The following DACT1 variants were observed in gnomAD, a reference collection of about 807,000 sequenced individuals.
The protein encoded by DACT1 is dishevelled binding antagonist of beta catenin 1.
DACT1 carries 19 observed loss-of-function variants against 35.3 expected under a neutral mutation model. The ratio of observed to expected loss-of-function variants is 0.54; its 90% confidence interval spans 0.38 to 0.79. The LOEUF (loss-of-function observed/expected upper bound fraction) is 0.79, where lower values mean the gene tolerates loss of function less well. DACT1 is among the 30% of genes least tolerant of loss of function. DACT1 has a pLI of 0.00. For missense variants in DACT1, 1,143 were observed against 1,057.5 expected (o/e 1.08, Z -1.12); for synonymous variants, 545 against 466.7 (o/e 1.17, Z -2.16).
rs1396164868 is a variant in DACT1 at position 58,648,228 on chromosome 14, T to C, written c.*1094T>C. 1 of 167,162 alleles carries C rather than the reference T, an allele frequency of 6.0e-6. No homozygotes were observed. The highest frequency in any genetic ancestry group is 1.5e-5 in the Non-Finnish European group (1 of 68,130). The allele number at this position is 167,162 out of a possible 1,614,324, so 10.4% of individuals were successfully genotyped here. On this transcript the variant is annotated 3_prime_UTR_variant, in exon 4 of 4. Coordinates refer to ENST00000395153, the MANE Select transcript of DACT1 (RefSeq NM_001079520.2). Reference sequence around the variant, plus strand: ...GTATGTGTTTTTATATATCATTGTGTAAATTTAATATAACATATGCAGTAA... The same window carrying C: ...GTATGTGTTTTTATATATCATTGTGCAAATTTAATATAACATATGCAGTAA...
chr14:58,640,659 T>G lies in DACT1; in HGVS notation c.346-77T>G. ...TTAGTGAACTCTTCAGATGGGTAAT[T>G]TGAATCCTTAGAGTAGACTTTCTGG... is the stretch of plus-strand genomic sequence containing the variant. On this transcript the variant is annotated intron_variant, in intron 1 of 3. Transcript: ENST00000395153. 1.9e-6 allele frequency: 3 copies of G among 1,565,358 alleles called. No homozygotes were observed. In the South Asian group the frequency reaches 3.5e-5, roughly 18 times the overall value.
In DACT1 at chr14:58,641,685, C is replaced by T. The variant is rs1318142096; in HGVS notation, c.572C>T (p.Thr191Ile). 1.2e-6 allele frequency: 2 copies of T among 1,614,210 alleles called. No homozygotes were observed. Among genetic ancestry groups the T allele is most frequent in the East Asian group, 2.2e-5 (1 of 44,884 alleles). ...TGTTTATCCAGTTGTCATTCCAGCACCTGCTTTTGCAGCCCCTTGGAGGCG... is the reference window on the plus strand; with the variant it reads ...TGTTTATCCAGTTGTCATTCCAGCATCTGCTTTTGCAGCCCCTTGGAGGCG... ...SECLSSCHSS[T>I]CFCSPLEATL... Residue 191 changes from threonine (T) to isoleucine (I), a missense_variant, in exon 3 of 4, where the codon ACC (threonine) becomes ATC (isoleucine). Physicochemically the swap from Thr to Ile is moderately conservative, Grantham distance 89 (BLOSUM62 -1). Coordinates refer to ENST00000395153, the MANE Select transcript of DACT1 (RefSeq NM_001079520.2).
chr14:58,634,432 C>A (rs1006453734), upstream of DACT1, among the ~76,000 whole-genome samples: 3 of 152,118 alleles, frequency 2.0e-5, no homozygotes, highest in Non-Finnish European at 2.9e-5. Flanking sequence ...GCTTTCTTTC[C>A]CCTGTGTGCT....
chr14:58,646,132 A>C lies in DACT1; in HGVS notation c.1398A>C (p.Val466=), dbSNP rs1595600702. Residue 466 remains valine, a synonymous_variant, in exon 4 of 4, where the codon GTA becomes GTC. Coordinates refer to ENST00000395153, the MANE Select transcript of DACT1 (RefSeq NM_001079520.2). ...CCCCGCCGCAGGAGAACAAAGTTGT[A>C]CAGCCCCTGAAAAAGATGTCACAGA... is the stretch of plus-strand genomic sequence containing the variant. ...GPAPPQENKV[V]QPLKKMSQKN... 6.2e-7 allele frequency: 1 copy of C among 1,613,638 alleles called. No homozygotes were observed. The highest frequency in any genetic ancestry group is 8.5e-7 in the Non-Finnish European group (1 of 1,179,884).
Position 58,647,171 on chromosome 14 carries a change from T to A in DACT1, c.*37T>A, listed in dbSNP as rs1212005834. ...GGTGTAGAAAGTTTGTGTGTTTTTT[T>A]TTCTTCTCCCTAGTTGCCAAAATTA... On this transcript the variant is annotated 3_prime_UTR_variant, in exon 4 of 4. Coordinates refer to ENST00000395153, the MANE Select transcript of DACT1 (RefSeq NM_001079520.2). 1 of 1,588,982 alleles carries A rather than the reference T, an allele frequency of 6.3e-7. No homozygotes were observed. Among genetic ancestry groups the A allele is most frequent in the Non-Finnish European group, 8.5e-7 (1 of 1,173,488 alleles).
Position 58,645,749 on chromosome 14 carries a change from G to A in DACT1, c.1015G>A (p.Val339Ile), listed in dbSNP as rs377732832. Residue 339 changes from valine (V) to isoleucine (I), a missense_variant, in exon 4 of 4, where the codon GTT becomes ATT. Val to Ile is a conservative substitution (Grantham distance 29). Around this residue, in one of 3 missense-constraint regions of DACT1, gnomAD observed 1,054 missense variants for 958.8 expected, o/e 1.10. Transcript: ENST00000395153. ...PTKGLLRNGS[V>I]CVRAPGGVSQ... The stretch of plus-strand genomic sequence containing the variant: ...GAAAGGGCTTCTGAGGAACGGGAGC[G>A]TTTGTGTCAGAGCCCCGGGCGGTGT... 6.2e-7 allele frequency: 1 copy of A among 1,614,258 alleles called. No individual in the cohort carries two copies. Among genetic ancestry groups the A allele is most frequent in the Non-Finnish European group, 8.5e-7 (1 of 1,180,044 alleles).
Position 58,638,516 on chromosome 14 carries a change from A to G in DACT1, c.314A>G (p.Glu105Gly). 1 of 1,350,138 alleles carries G rather than the reference A, an allele frequency of 7.4e-7. No individual in the cohort carries two copies. Among genetic ancestry groups the G allele is most frequent in the Non-Finnish European group, 9.6e-7 (1 of 1,044,266 alleles). 83.6% of individuals were successfully genotyped at this position (1,350,138 alleles called of 1,614,324 possible). Residue 105 changes from glutamate (E) to glycine (G), a missense_variant, in exon 1 of 4, where the codon GAG (glutamate) becomes GGG (glycine). Transcript: ENST00000395153. ...AGTCGCCTGGAGGAGAAGTTCTTGG[A>G]GGAGAACATCTTGCTGCTAAGAAAG... ...QRSRLEEKFL[E>G]ENILLLRKQL...
rs767912076 is a variant in DACT1 at position 58,646,795 on chromosome 14, C to T, written c.2061C>T (p.Ser687=). 13 of 1,614,130 alleles carry T rather than the reference C, an allele frequency of 8.1e-6. No individual in the cohort carries two copies. The highest frequency in any genetic ancestry group is 1.7e-5 in the Admixed American group (1 of 60,030). ...ASPYAYVASD[S]EYSAECESLF... is the part of the protein sequence containing the mutation. ...CCTACGCCTACGTGGCTAGCGACTC[C>T]GAGTACTCGGCCGAGTGCGAGTCCC... is the stretch of plus-strand genomic sequence containing the variant. The change falls in exon 4 of 4, where the codon TCC becomes TCT. Residue 687 remains serine, a synonymous_variant. Transcript: ENST00000395153.
rs535229878 is a variant in DACT1, at chr14:58,646,380, A to T, written c.1646A>T (p.His549Leu). 1 of 1,603,436 alleles carries T rather than the reference A, an allele frequency of 6.2e-7. No individual in the cohort carries two copies. Among genetic ancestry groups the T allele is most frequent in the Non-Finnish European group, 8.5e-7 (1 of 1,177,460 alleles). The change falls in exon 4 of 4, where the codon CAC becomes CTC. Residue 549 changes from histidine to leucine, a missense_variant. Transcript: ENST00000395153. ...GTCGTGAAGAACTCCAGCCTGAAGC[A>T]CCGCGGCCCAGCCCTCCAGGGGCTG... ...MGVVKNSSLK[H>L]RGPALQGLEN...
rs769117476 is a variant in DACT1, at chr14:58,638,483, C to T, written c.281C>T (p.Ala94Val). 2 of 1,358,134 alleles carry T rather than the reference C, an allele frequency of 1.5e-6. No homozygotes were observed. Among genetic ancestry groups the T allele is most frequent in the South Asian group, 2.3e-5 (1 of 43,370 alleles). 84.1% of individuals were successfully genotyped at this position (1,358,134 alleles called of 1,614,324 possible). A position where few individuals can be genotyped will look rare whatever the true frequency, so the allele number is the denominator to read the frequency against. Residue 94 changes from alanine to valine, a missense_variant, in exon 1 of 4, where the codon GCG becomes GTG. Ala to Val is a moderately conservative substitution (Grantham distance 64). Coordinates refer to ENST00000395153, the MANE Select transcript of DACT1 (RefSeq NM_001079520.2). ...PRAGELLGEAAQRSRLEEKFL... is the reference protein window; with the variant it reads ...PRAGELLGEAVQRSRLEEKFL... Reference sequence around the variant, plus strand: ...GCTGGGGAGCTACTGGGGGAGGCGGCGCAGCGCAGTCGCCTGGAGGAGAAG... The same window carrying T: ...GCTGGGGAGCTACTGGGGGAGGCGGTGCAGCGCAGTCGCCTGGAGGAGAAG...
At chr14:58,641,362 G>A (rs1394699317) in intron 2 of DACT1, among the ~76,000 whole-genome samples, 1 of 152,128 alleles carries the variant, frequency 6.6e-6, no homozygotes, top group East Asian at 1.9e-4. Flanking sequence ...GTCAATTTGA[G>A]GGTGAGGGTA....
At chr14:58,643,535 A>G (rs917311436) in intron 3 of DACT1, among the ~76,000 whole-genome samples, 3 of 152,152 alleles carry the variant, frequency 2.0e-5, no homozygotes, top group Admixed American at 2.0e-4. Context: ...TGTTATCTAG[A>G]GGGTCTGGGC....
In DACT1 at chr14:58,646,737, A is replaced by G; in HGVS notation, c.2003A>G (p.Tyr668Cys). Reference sequence around the variant, plus strand: ...GGTCGCCGGGAGAATGTGGGGCTGTACCCCGCGCCTGTGCCTCTGCCCTAC... The same window carrying G: ...GGTCGCCGGGAGAATGTGGGGCTGTGCCCCGCGCCTGTGCCTCTGCCCTAC... Reference protein sequence around the residue: ...RRGRRENVGLYPAPVPLPYAS... With the variant: ...RRGRRENVGLCPAPVPLPYAS... The change falls in exon 4 of 4, where the codon TAC (tyrosine) becomes TGC (cysteine). Residue 668 changes from tyrosine (Y) to cysteine (C), a missense_variant. By Grantham distance (194) the Tyr-to-Cys change is radical. This residue lies in a region of DACT1 where 1,054 missense variants were observed against 958.8 expected (regional missense o/e 1.10). Coordinates refer to ENST00000395153, the MANE Select transcript of DACT1 (RefSeq NM_001079520.2). 6.2e-7 allele frequency: 1 copy of G among 1,613,144 alleles called. No homozygotes were observed. Among genetic ancestry groups the G allele is most frequent in the East Asian group, 2.2e-5 (1 of 44,840 alleles).
At chr14:58,638,731 C>G in intron 1 of DACT1, 184 bp downstream of exon 1, 1 of 1,179,180 alleles carries the variant, frequency 8.5e-7, no homozygotes, top group Non-Finnish European at 1.1e-6. Context: ...GGGCTGCCGA[C>G]GCCCACGCGT....
At position 58,647,144 on chromosome 14, in the gene DACT1, T is replaced by C; in HGVS notation, c.*10T>C. The stretch of plus-strand genomic sequence containing the variant: ...GATGACGACGGTTTGAGTGACATCA[T>C]TGGTGTAGAAAGTTTGTGTGTTTTT... On this transcript the variant is annotated 3_prime_UTR_variant, in exon 4 of 4. Coordinates refer to ENST00000395153, the MANE Select transcript of DACT1 (RefSeq NM_001079520.2). 6.2e-7 allele frequency: 1 copy of C among 1,607,834 alleles called. No individual in the cohort carries two copies. The highest frequency in any genetic ancestry group is 8.5e-7 in the Non-Finnish European group (1 of 1,178,662).
At position 58,647,493 on chromosome 14, in the gene DACT1, A is replaced by C. The variant is rs2047705243; in HGVS notation, c.*359A>C. On this transcript the variant is annotated 3_prime_UTR_variant, in exon 4 of 4. Transcript: ENST00000395153. ...TTGATCCCAAGGTCAGGTGGATGGAATTTTTGGATTTATATTTGTTCCTTG... is the reference window on the plus strand; with the variant it reads ...TTGATCCCAAGGTCAGGTGGATGGACTTTTTGGATTTATATTTGTTCCTTG... 1 of 282,982 alleles carries C rather than the reference A, an allele frequency of 3.5e-6. No homozygotes were observed. Among genetic ancestry groups the C allele is most frequent in the South Asian group, 4.6e-5 (1 of 21,878 alleles). 17.5% of individuals were successfully genotyped at this position (282,982 alleles called of 1,614,324 possible).
chr14:58,642,201 G>T (rs1007749260), intron 3 of DACT1, among the ~76,000 whole-genome samples: 8 of 152,088 alleles, frequency 5.3e-5, no homozygotes, highest in South Asian at 4.2e-4. Context: ...GACCAGCCTG[G>T]GTTGGCCCGG....
chr14:58,647,800 C>T lies in DACT1; in HGVS notation c.*666C>T, dbSNP rs2047708786. On this transcript the variant is annotated 3_prime_UTR_variant, in exon 4 of 4. Transcript: ENST00000395153. ...TGCCTAGGCCCTGTTCCTAATAACCCCTTCTAGGGCCGTTTATCCAACATT... is the reference window on the plus strand; with the variant it reads ...TGCCTAGGCCCTGTTCCTAATAACCTCTTCTAGGGCCGTTTATCCAACATT... The T allele has an allele frequency of 6.0e-6, 1 of 167,066 alleles. No individual in the cohort carries two copies. Among genetic ancestry groups the T allele is most frequent in the African/African-American group, 2.4e-5 (1 of 41,432 alleles). 10.3% of individuals were successfully genotyped at this position (167,066 alleles called of 1,614,324 possible).
chr14:58,644,460 T>C (rs1372252246), intron 3 of DACT1, among the ~76,000 whole-genome samples: 2 of 152,236 alleles, frequency 1.3e-5, no homozygotes, highest in Non-Finnish European at 2.9e-5. Flanking sequence ...CTCGAACTCC[T>C]GGGCCTAAGC....
Sources: allele counts gnomAD v4.1 joint callset (sites outside exome capture counted in the v4.1 genomes callset), GRCh38; gene constraint gnomAD v4.1.1; regional missense constraint gnomAD v4.1.1; transcripts MANE v1.5; gene names NCBI Gene and HGNC (gene_info 2026-07-23, HGNC 2026-07-21).